The following RYK variants were observed in gnomAD, a reference collection of about 807,000 sequenced individuals.
RYK encodes the protein receptor like tyrosine kinase.
In RYK, 21 loss-of-function variants were observed where a neutral mutation model predicts 70.2. The ratio of observed to expected loss-of-function variants is 0.30; its 90% CI spans 0.21 to 0.43. The LOEUF (loss-of-function observed/expected upper bound fraction) is 0.43, where lower values mean the gene tolerates loss of function less well. Among genes scored for constraint, RYK ranks in the 20% least tolerant of loss-of-function variants. The pLI is 1.00. For synonymous variants in RYK, 267 were observed against 278.0 expected (o/e 0.96, Z 0.39); for missense variants, 604 against 753.3 (o/e 0.80, Z 2.32).
At chr3:134,180,980 A>G (rs1280370127) in intron 10 of RYK, 1 of 152,186 alleles carries the variant, frequency 6.6e-6, no homozygotes, top group East Asian at 1.9e-4. Context: ...AAACCTTACA[A>G]TCTAAAACTG....
intron 1 of RYK, among the ~76,000 whole-genome samples, chr3:134,232,663 A>G (rs963768424): frequency 3.3e-5 from 5 of 152,230 alleles, no homozygotes; most frequent in African/African-American, 1.2e-4. Flanking sequence ...TTATTAGCTA[A>G]GGTAGTTATT....
chr3:134,249,932 T>G (rs991645744), intron 1 of RYK, among the ~76,000 whole-genome samples: 12 of 147,368 alleles, frequency 8.1e-5, no homozygotes, highest in South Asian at 2.2e-4. Flanking sequence ...TTTTTTTTTT[T>G]TTTTTTTTTT....
At chr3:134,244,379 A>C (rs971439774) in intron 1 of RYK, among the ~76,000 whole-genome samples, 1 of 152,190 alleles carries the variant, frequency 6.6e-6, no homozygotes, top group Non-Finnish European at 1.5e-5. Context: ...CACCTGTGGC[A>C]GGAGGCTTGC....
chr3:134,235,643 G>A (rs1442880885), intron 1 of RYK, among the ~76,000 whole-genome samples: 1 of 152,032 alleles, frequency 6.6e-6, no homozygotes, highest in Non-Finnish European at 1.5e-5. Flanking sequence ...TAACCTAGTT[G>A]TTTCTAATTA....
At chr3:134,160,935 CAG>C (rs1357963568) in intron 13 of RYK, among the ~76,000 whole-genome samples, 2 of 152,164 alleles carry the variant, frequency 1.3e-5, no homozygotes, top group South Asian at 2.1e-4. Context: ...AAGATAAATA[CAG>C]AGTTTTTCAG....
intron 1 of RYK, among the ~76,000 whole-genome samples, chr3:134,224,870 T>C (rs1378037439): frequency 6.6e-6 from 1 of 152,260 alleles, no homozygotes; most frequent in Non-Finnish European, 1.5e-5. Flanking sequence ...CAGAGATTAT[T>C]ATAATATTGG....
At chr3:134,171,355 G>A in intron 13 of RYK, among the ~76,000 whole-genome samples, 1 of 152,146 alleles carries the variant, frequency 6.6e-6, no homozygotes, top group South Asian at 2.1e-4. Context: ...CATGAACTTT[G>A]CCAGCTAATA....
chr3:134,235,833 G>A (rs2015185724), intron 1 of RYK, among the ~76,000 whole-genome samples: 1 of 152,086 alleles, frequency 6.6e-6, no homozygotes, highest in African/African-American at 2.4e-5. Context: ...ATGCTTTAAG[G>A]AACCAGTTCT....
intron 5 of RYK, among the ~76,000 whole-genome samples, chr3:134,206,471 C>G (rs1402753257): frequency 4.5e-5 from 1 of 22,296 alleles, no homozygotes; most frequent in African/African-American, 1.2e-4. Context: ...ACATATATCA[C>G]CCAACAGTTG....
At chr3:134,162,661 T>C (rs1192897753) in intron 13 of RYK, among the ~76,000 whole-genome samples, 1 of 152,206 alleles carries the variant, frequency 6.6e-6, no homozygotes, top group Non-Finnish European at 1.5e-5. Flanking sequence ...AAAACCTTAC[T>C]GTATATGAAA....
In RYK at chr3:134,234,030, T is replaced by C. The variant is rs374640452; in HGVS notation, c.233-11491A>G. 1.1e-4 allele frequency among the ~76,000 whole-genome samples: 17 copies of C among 152,264 alleles called. No individual in the cohort carries two copies. The East Asian group carries it at 1.2e-3, about 10-fold the overall frequency. On this transcript the variant is annotated intron_variant, in intron 1 of 14. Coordinates refer to ENST00000623711, the MANE Select transcript of RYK (RefSeq NM_002958.4). ...AAATAGCAAAATATGTTAACAGTGG[T>C]TGAATATAAATAGTGGATTATGGAT...
rs749124177 is a variant in RYK at position 134,250,499 on chromosome 3, G to C, written c.156C>G (p.Pro52=). 7.0e-6 allele frequency: 9 copies of C among 1,280,266 alleles called. No individual in the cohort carries two copies. In the South Asian group the frequency reaches 1.6e-4, roughly 22 times the overall value. 79.3% of individuals were successfully genotyped at this position (1,280,266 alleles called of 1,614,324 possible). Residue 52 remains proline, a synonymous_variant, in exon 1 of 15, where the codon CCC becomes CCG. Coordinates refer to ENST00000623711, the MANE Select transcript of RYK (RefSeq NM_002958.4). The part of the protein sequence containing the change: ...PGAAAAPAPR[P]PELQSASAGP... ...CCGCGGAAGCCGACTGCAGCTCCGGGGGCCGCGGGGCGGGGGCGGCGGCAG... is the reference window on the plus strand; with the variant it reads ...CCGCGGAAGCCGACTGCAGCTCCGGCGGCCGCGGGGCGGGGGCGGCGGCAG...
At chr3:134,179,843 A>G (rs2013232806) in intron 10 of RYK, 1 of 152,198 alleles carries the variant, frequency 6.6e-6, no homozygotes, top group Non-Finnish European at 1.5e-5. Context: ...AGTTAAAGAC[A>G]TTTTATCCAT....
At chr3:134,217,437 C>T (rs541666662) in intron 2 of RYK, among the ~76,000 whole-genome samples, 2 of 152,198 alleles carry the variant, frequency 1.3e-5, no homozygotes, top group African/African-American at 2.4e-5. Context: ...ACTTCTCCTA[C>T]CTTAAGCAAA....
At chr3:134,247,061 C>T (rs983315971) in intron 1 of RYK, among the ~76,000 whole-genome samples, 3 of 151,428 alleles carry the variant, frequency 2.0e-5, no homozygotes, top group East Asian at 1.9e-4. Context: ...AAATAGGTAA[C>T]GAATCAAAAC....
chr3:134,244,755 T>C (rs143233470), intron 1 of RYK, among the ~76,000 whole-genome samples: 2 of 152,326 alleles, frequency 1.3e-5, no homozygotes, highest in East Asian at 3.9e-4. Context: ...ACTCTAAGAT[T>C]ATTGTTTTCT....
chr3:134,198,325 T>C (rs2013877702), intron 6 of RYK, among the ~76,000 whole-genome samples: 1 of 152,230 alleles, frequency 6.6e-6, no homozygotes, highest in Non-Finnish European at 1.5e-5. Context: ...ATTTGTACTT[T>C]TCTATTTTTC....
chr3:134,175,931 C>T lies in RYK; in HGVS notation c.1414G>A (p.Val472Ile), dbSNP rs1156298024. Reference protein sequence around the residue: ...IHKDLAARNCVIDDTLQVKIT... With the variant: ...IHKDLAARNCIIDDTLQVKIT... Reference sequence around the variant, plus strand: ...CAGCGTCAAGCTCATGGCACCTACACACAGTTCCTGGCAGCCAGGTCTTTG... The same window carrying T: ...CAGCGTCAAGCTCATGGCACCTACATACAGTTCCTGGCAGCCAGGTCTTTG... The change falls in exon 12 of 15, where the codon GTC becomes ATC. Residue 472 changes from valine to isoleucine, a missense_variant and splice_region_variant. Val to Ile is a conservative substitution (Grantham distance 29). Transcript: ENST00000623711. 6.2e-7 allele frequency: 1 copy of T among 1,604,250 alleles called. No individual in the cohort carries two copies. Among genetic ancestry groups the T allele is most frequent in the Admixed American group, 1.7e-5 (1 of 59,034 alleles).
intron 1 of RYK, among the ~76,000 whole-genome samples, chr3:134,242,360 T>C (rs990500955): frequency 6.6e-6 from 1 of 152,002 alleles, no homozygotes; most frequent in African/African-American, 2.4e-5. Context: ...GCATTATCAC[T>C]GCTGAACACA....
Sources: allele counts gnomAD v4.1 joint callset (sites outside exome capture counted in the v4.1 genomes callset), GRCh38; gene constraint gnomAD v4.1.1; transcripts MANE v1.5; gene names NCBI Gene and HGNC (gene_info 2026-07-23, HGNC 2026-07-21).